Variants in PDE1A observed in about 807,000 individuals in gnomAD.
PDE1A encodes dual specificity calcium/calmodulin-dependent 3',5'-cyclic nucleotide phosphodiesterase 1A.
A neutral mutation model predicts 61.7 loss-of-function variants in PDE1A; 35 were observed. That is an observed-to-expected ratio of 0.57 (90% CI 0.43 to 0.75). PDE1A has a LOEUF of 0.75. Ranked by LOEUF, PDE1A falls within the 30% of genes least tolerant of loss-of-function variation. The pLI, the probability that PDE1A is intolerant of heterozygous loss-of-function variation, is 0.00. For synonymous variants in PDE1A, 232 were observed against 213.2 expected, an observed-to-expected ratio of 1.09 and a Z score of -0.77; for missense variants, 597 against 630.6, an observed-to-expected ratio of 0.95 and a Z score of 0.57.
At chr2:182,680,384 T>A in the PDE1A span, among the ~76,000 whole-genome samples, 10 of 151,846 alleles carry the variant, frequency 6.6e-5, no homozygotes, top group Non-Finnish European at 1.0e-4. Flanking sequence ...CTAATTTTTG[T>A]TTTTTTTGTA....
intron 1 of PDE1A, among the ~76,000 whole-genome samples, chr2:182,360,197 T>G (rs1699419137): frequency 6.6e-6 from 1 of 152,130 alleles, no homozygotes; most frequent in African/African-American, 2.4e-5. Flanking sequence ...CTACATTTCC[T>G]AGTACACATT....
At chr2:182,205,719 T>C (rs372385582) in intron 8 of PDE1A, among the ~76,000 whole-genome samples, 3 of 152,200 alleles carry the variant, frequency 2.0e-5, no homozygotes, top group Admixed American at 6.5e-5. Context: ...TTCAGACATA[T>C]GGATGTTGAG....
At chr2:182,627,781 A>G in the PDE1A span, among the ~76,000 whole-genome samples, 2 of 151,820 alleles carry the variant, frequency 1.3e-5, no homozygotes, top group Admixed American at 6.6e-5. Context: ...CATCTCTACT[A>G]AAAATACAAA....
chr2:182,710,424 A>T, the PDE1A span, among the ~76,000 whole-genome samples: 1 of 152,324 alleles, frequency 6.6e-6, no homozygotes, highest in Middle Eastern at 3.4e-3. Flanking sequence ...ATTATTAACT[A>T]TAGTCACTAG....
the PDE1A span, among the ~76,000 whole-genome samples, chr2:182,632,995 C>T: frequency 2.0e-5 from 3 of 152,170 alleles, no homozygotes; most frequent in Admixed American, 1.3e-4. Flanking sequence ...TCAGATTATG[C>T]TGTATCCATT....
upstream of PDE1A, among the ~76,000 whole-genome samples, chr2:182,430,440 TAA>T (rs566048261): frequency 2.2e-3 from 183 of 81,346 alleles, 1 homozygote; most frequent in African/African-American, 7.8e-3. Context: ...TGGCAATCAT[TAA>T]AAAGTCAGGA....
intron 1 of PDE1A, among the ~76,000 whole-genome samples, chr2:182,420,832 G>A (rs1703231404): frequency 6.6e-6 from 1 of 152,124 alleles, no homozygotes; most frequent in Non-Finnish European, 1.5e-5. Flanking sequence ...ACTGGAACTT[G>A]CCCCGTACAT....
the PDE1A span, among the ~76,000 whole-genome samples, chr2:182,620,213 C>A: frequency 1.3e-5 from 2 of 151,972 alleles, no homozygotes; most frequent in Non-Finnish European, 2.9e-5. Context: ...TTAATTGAGT[C>A]AATTTGAGCC....
chr2:182,639,983 G>A, the PDE1A span, among the ~76,000 whole-genome samples: 1 of 92,016 alleles, frequency 1.1e-5, no homozygotes, highest in Non-Finnish European at 2.4e-5. Flanking sequence ...TTTAAAGGAT[G>A]TTAAAAAAAA....
intron 2 of PDE1A, among the ~76,000 whole-genome samples, chr2:182,256,563 G>T (rs374168642): frequency 6.6e-6 from 1 of 151,958 alleles, no homozygotes; most frequent in African/African-American, 2.4e-5. Context: ...ACATGCACAC[G>T]TATGTTTATT....
chr2:182,660,930 C>G, the PDE1A span, among the ~76,000 whole-genome samples: 1 of 152,312 alleles, frequency 6.6e-6, no homozygotes, highest in Admixed American at 6.5e-5. Context: ...ATAAGCTTCT[C>G]ACTTTGTGAT....
chr2:182,296,213 T>C (rs1694872561), intron 1 of PDE1A, among the ~76,000 whole-genome samples: 1 of 152,210 alleles, frequency 6.6e-6, no homozygotes, highest in African/African-American at 2.4e-5. Flanking sequence ...GGGGTTGCTT[T>C]TGAGCTCACC....
chr2:182,687,632 C>T, the PDE1A span, among the ~76,000 whole-genome samples: 1 of 152,196 alleles, frequency 6.6e-6, no homozygotes, highest in African/African-American at 2.4e-5. Flanking sequence ...CACCTCTCCT[C>T]CTCCAAAGGA....
chr2:182,576,960 G>T, the PDE1A span, among the ~76,000 whole-genome samples: 1 of 152,020 alleles, frequency 6.6e-6, no homozygotes, highest in East Asian at 1.9e-4. Context: ...CATTATAAAG[G>T]TTATTTATAT....
chr2:182,477,941 G>C (rs1047920412), intron 2 of PDE1A, among the ~76,000 whole-genome samples: 1 of 151,786 alleles, frequency 6.6e-6, no homozygotes, highest in African/African-American at 2.4e-5. Flanking sequence ...CAGGTGTGTA[G>C]GAAGAAAAGG....
chr2:182,596,222 G>A, the PDE1A span, among the ~76,000 whole-genome samples: 2 of 152,206 alleles, frequency 1.3e-5, no homozygotes, highest in Admixed American at 6.5e-5. Context: ...AAAGTTCAAA[G>A]AGAGTGAACA....
intron 2 of PDE1A, among the ~76,000 whole-genome samples, chr2:182,248,034 A>G (rs1691109977): frequency 6.6e-6 from 1 of 152,120 alleles, no homozygotes; most frequent in South Asian, 2.1e-4. Flanking sequence ...CATTTTCCTT[A>G]GGAATTCTTA....
intron 13 of PDE1A, among the ~76,000 whole-genome samples, chr2:182,153,669 G>C (rs1169291073): frequency 6.6e-6 from 1 of 152,136 alleles, no homozygotes; most frequent in Non-Finnish European, 1.5e-5. Context: ...GCTCTGGAGT[G>C]GTGAAGTTAA....
At chr2:182,166,869 C>T (rs1170151731), downstream of PDE1A, among the ~76,000 whole-genome samples, 3 of 152,120 alleles carry the variant, frequency 2.0e-5, no homozygotes, top group Non-Finnish European at 4.4e-5. Flanking sequence ...TATTGGAGTG[C>T]TTCTACTAGT....
Sources: allele counts gnomAD v4.1 joint callset (sites outside exome capture counted in the v4.1 genomes callset), GRCh38; gene constraint gnomAD v4.1.1; transcripts MANE v1.5; gene names NCBI Gene and HGNC (gene_info 2026-07-23, HGNC 2026-07-21).